The following HIPK2 variants were observed in gnomAD, a reference collection of about 807,000 sequenced individuals.
The protein encoded by HIPK2 is homeodomain-interacting protein kinase 2.
Under a neutral mutation model 113.7 loss-of-function variants are expected in HIPK2, and 27 were observed. The ratio of observed to expected loss-of-function variants is 0.24; its 90% confidence interval spans 0.17 to 0.33. The LOEUF is 0.33. Ranked by LOEUF, HIPK2 falls within the 10% of genes least tolerant of loss-of-function variation. The pLI is 1.00. For missense variants in HIPK2, 1,257 were observed against 1,588.0 expected, an observed-to-expected ratio of 0.79 and a Z score of 3.54; for synonymous variants, 631 against 642.2, an observed-to-expected ratio of 0.98 and a Z score of 0.26.
rs201765597 is a variant in HIPK2 at position 139,670,731 on chromosome 7, T to TTTTC, written c.1104-39010_1104-39007dup. Among the ~76,000 whole-genome samples, 46 of 105,904 alleles carry TTTTC rather than the reference T, an allele frequency of 4.3e-4. 1 individual carries two copies. Among genetic ancestry groups the TTTTC allele is most frequent in the Admixed American group, 2.4e-3 (21 of 8,658 alleles). 69.5% of individuals were successfully genotyped at this position (105,904 alleles called of 152,430 possible). On this transcript the variant is annotated intron_variant, in intron 2 of 14. Transcript: ENST00000406875. Reference sequence around the variant, plus strand: ...TCAAAATAGGTTTTATTTCTTTTTCTTTTCTTTCTTTCTTTCTTTCTTTCT... The same window carrying TTTTC: ...TCAAAATAGGTTTTATTTCTTTTTCTTTTCTTTCTTTCTTTCTTTCTTTCTTTCT...
At chr7:139,754,580 C>T (rs774073662) in intron 1 of HIPK2, among the ~76,000 whole-genome samples, 23 of 152,166 alleles carry the variant, frequency 1.5e-4, no homozygotes, top group Admixed American at 3.3e-4. Context: ...TGTGTGTGTG[C>T]AGTATGTTAA....
At chr7:139,582,124 G>A (rs1403623176) in intron 13 of HIPK2, among the ~76,000 whole-genome samples, 2 of 152,138 alleles carry the variant, frequency 1.3e-5, no homozygotes, top group Non-Finnish European at 2.9e-5. Context: ...CAAAACATTT[G>A]CCCGGGTGGA....
intron 2 of HIPK2, among the ~76,000 whole-genome samples, chr7:139,676,688 G>C (rs546576397): frequency 3.3e-5 from 5 of 152,220 alleles, no homozygotes; most frequent in South Asian, 4.1e-4. Context: ...GAAACACTCA[G>C]TAGGCATCTC....
chr7:139,615,901 G>A lies in HIPK2; in HGVS notation c.1783-1408C>T, dbSNP rs180906013. ...TTTAAAGTGGGTGTGCTTTTGCAGC[G>A]TCGCATAGTCTGCTTGGGACACGTG... On this transcript the variant is annotated intron_variant, in intron 7 of 14. Coordinates refer to ENST00000406875, the MANE Select transcript of HIPK2 (RefSeq NM_022740.5). 1.1e-4 allele frequency among the ~76,000 whole-genome samples: 17 copies of A among 152,340 alleles called. No individual in the cohort carries two copies. The East Asian group carries it at 1.7e-3, about 16-fold the overall frequency.
At position 139,567,566 on chromosome 7, in the gene HIPK2, C is replaced by G. The variant is rs1243515190; in HGVS notation, c.*5361G>C. 1 of 152,142 alleles carries G rather than the reference C, an allele frequency of 6.6e-6. No individual in the cohort carries two copies. The highest frequency in any genetic ancestry group is 2.4e-5 in the African/African-American group (1 of 41,408). 9.4% of individuals were successfully genotyped at this position (152,142 alleles called of 1,614,324 possible). ...TAAAGAAAGGAACAGTTTCACCTTC[C>G]TTTCCAATTTGGTAAGGACATCTCT... is the stretch of plus-strand genomic sequence containing the variant. On this transcript the variant is annotated 3_prime_UTR_variant, in exon 15 of 15. Coordinates refer to ENST00000406875, the MANE Select transcript of HIPK2 (RefSeq NM_022740.5).
At chr7:139,718,359 C>A (rs1308494697) in intron 1 of HIPK2, among the ~76,000 whole-genome samples, 1 of 152,202 alleles carries the variant, frequency 6.6e-6, no homozygotes, top group Non-Finnish European at 1.5e-5. Context: ...CCTGGCATTA[C>A]CTAGAGTGGT....
At chr7:139,666,748 T>C (rs908792080) in intron 2 of HIPK2, among the ~76,000 whole-genome samples, 1 of 152,098 alleles carries the variant, frequency 6.6e-6, no homozygotes, top group African/African-American at 2.4e-5. Context: ...CGTAACAACA[T>C]GAAGAAAACA....
intron 13 of HIPK2, among the ~76,000 whole-genome samples, chr7:139,579,243 G>A (rs1307511719): frequency 1.3e-5 from 2 of 152,114 alleles, no homozygotes; most frequent in African/African-American, 2.4e-5. Flanking sequence ...TCATATGAAG[G>A]GAGAGGCAGC....
At chr7:139,754,803 C>T (rs547760286) in intron 1 of HIPK2, among the ~76,000 whole-genome samples, 3 of 152,112 alleles carry the variant, frequency 2.0e-5, no homozygotes, top group Admixed American at 1.3e-4. Context: ...GAAGGAGAGA[C>T]GATGATGGAA....
Position 139,634,674 on chromosome 7 carries a change from G to GTTTTTTT in HIPK2, c.1104-2956_1104-2950dup, listed in dbSNP as rs1181829827. Among the ~76,000 whole-genome samples, 395 of 113,600 alleles carry GTTTTTTT rather than the reference G, an allele frequency of 3.5e-3. 40 individuals are homozygous for GTTTTTTT. The highest frequency in any genetic ancestry group is 0.015 in the African/African-American group (379 of 24,838). 74.5% of individuals were successfully genotyped at this position (113,600 alleles called of 152,430 possible). ...AAAAAGAAGGGACTATCTGTTTCAG[G>GTTTTTTT]TTTTTTTTTTTTTTTTTTTTTGAGA... is the stretch of plus-strand genomic sequence containing the variant. On this transcript the variant is annotated intron_variant, in intron 2 of 14. Transcript: ENST00000406875.
At chr7:139,619,159 A>G (rs1800153718) in intron 7 of HIPK2, among the ~76,000 whole-genome samples, 1 of 152,184 alleles carries the variant, frequency 6.6e-6, no homozygotes, top group Admixed American at 6.5e-5. Context: ...ATGTGCCACA[A>G]GGATGGCCTA....
In HIPK2 at chr7:139,567,992, T is replaced by C. The variant is rs1196745207; in HGVS notation, c.*4935A>G. 1 of 152,214 alleles carries C rather than the reference T, an allele frequency of 6.6e-6. No individual in the cohort carries two copies. Among genetic ancestry groups the C allele is most frequent in the Admixed American group, 6.6e-5 (1 of 15,264 alleles). The allele number at this position is 152,214 out of a possible 1,614,324, so 9.4% of individuals were successfully genotyped here. On this transcript the variant is annotated 3_prime_UTR_variant, in exon 15 of 15. Transcript: ENST00000406875. ...TACTTCCCGAAGCCTCCTCATCTCC[T>C]CCCTCCAGTTTCCAAGAAAGTTTGT...
chr7:139,716,709 C>G lies in HIPK2; in HGVS notation c.326G>C (p.Gly109Ala), dbSNP rs756262865. ...SSTSVTGQVL[G>A]GPHNLMRRST... ...TCGACGCATTAGGTTGTGTGGTCCG[C>G]CGAGGACTTGCCCGGTGACAGAAGT... is the stretch of plus-strand genomic sequence containing the variant. Residue 109 changes from glycine to alanine, a missense_variant, in exon 2 of 15, where the codon GGC (glycine) becomes GCC (alanine). Coordinates refer to ENST00000406875, the MANE Select transcript of HIPK2 (RefSeq NM_022740.5). The surrounding 1 kb of genome is among the most constrained non-coding windows in gnomAD (Gnocchi z 9.3). 1.2e-6 allele frequency: 2 copies of G among 1,613,900 alleles called. No homozygotes were observed. Among genetic ancestry groups the G allele is most frequent in the Admixed American group, 3.3e-5 (2 of 59,994 alleles).
chr7:139,612,418 A>G (rs1168597855), intron 9 of HIPK2, among the ~76,000 whole-genome samples: 2 of 152,194 alleles, frequency 1.3e-5, no homozygotes, highest in South Asian at 2.1e-4. Flanking sequence ...AGATGCTGGC[A>G]TCAGACTTAC....
In HIPK2 at chr7:139,563,452, G is replaced by A. The variant is rs150243476; in HGVS notation, c.*9475C>T. ...AGTGACCCTATATAAGGAAGGGGGC[G>A]GTGCCAGGAGAGATTCGTTTGGAGA... On this transcript the variant is annotated 3_prime_UTR_variant, in exon 15 of 15. Coordinates refer to ENST00000406875, the MANE Select transcript of HIPK2 (RefSeq NM_022740.5). 1.9e-3 allele frequency: 300 copies of A among 157,504 alleles called. No homozygotes were observed. The highest frequency in any genetic ancestry group is 6.4e-3 in the South Asian group (31 of 4,876). 9.8% of individuals were successfully genotyped at this position (157,504 alleles called of 1,614,324 possible).
chr7:139,749,760 C>T (rs1319372876), intron 1 of HIPK2, among the ~76,000 whole-genome samples: 1 of 152,202 alleles, frequency 6.6e-6, no homozygotes, highest in African/African-American at 2.4e-5. Flanking sequence ...GTGGCAGGCT[C>T]TATAAATGCT....
chr7:139,681,987 G>A (rs942020511), intron 2 of HIPK2, among the ~76,000 whole-genome samples: 7 of 152,108 alleles, frequency 4.6e-5, no homozygotes, highest in African/African-American at 7.2e-5. Context: ...TGGAGCCCTC[G>A]GATCTGGCTG....
At chr7:139,679,461 T>G (rs946007321) in intron 2 of HIPK2, among the ~76,000 whole-genome samples, 1 of 152,186 alleles carries the variant, frequency 6.6e-6, no homozygotes, top group Non-Finnish European at 1.5e-5. Flanking sequence ...CAGAGAAGTG[T>G]AAATGGGGTT....
At chr7:139,599,394 C>G (rs1799341382) in intron 11 of HIPK2, among the ~76,000 whole-genome samples, 1 of 152,232 alleles carries the variant, frequency 6.6e-6, no homozygotes, top group Non-Finnish European at 1.5e-5. Flanking sequence ...CAGTCAATCT[C>G]CTCCTCTCCT....
Sources: allele counts gnomAD v4.1 joint callset (sites outside exome capture counted in the v4.1 genomes callset), GRCh38; gene constraint gnomAD v4.1.1; non-coding constraint Gnocchi (gnomAD v3.1); transcripts MANE v1.5; gene names NCBI Gene and HGNC (gene_info 2026-07-23, HGNC 2026-07-21).